BCL9L: variants seen among roughly 807,000 people sequenced by gnomAD.
BCL9L encodes B-cell CLL/lymphoma 9-like protein.
Under a neutral mutation model 99.4 loss-of-function variants are expected in BCL9L, and 19 were observed. That is an observed-to-expected ratio of 0.19 (90% confidence interval 0.13 to 0.28). The LOEUF is 0.28. Among genes scored for constraint, BCL9L ranks in the 10% least tolerant of loss-of-function variants. The probability of loss-of-function intolerance (pLI) is 1.00; values close to 1 mark genes in which losing one functional copy is unlikely to be tolerated. For missense variants in BCL9L, 2,023 were observed against 2,101.6 expected (o/e 0.96, Z 0.73); for synonymous variants, 900 against 854.8 (o/e 1.05, Z -0.92).
chr11:118,912,171 G>A (rs1182014706), intron 2 of BCL9L, among the ~76,000 whole-genome samples: 1 of 152,196 alleles, frequency 6.6e-6, no homozygotes, highest in Non-Finnish European at 1.5e-5. Flanking sequence ...CACAGTCTCC[G>A]AAGACACCTG....
At chr11:118,904,203 G>A (rs59899050) in intron 5 of BCL9L, among the ~76,000 whole-genome samples, 3,061 of 152,182 alleles carry the variant, frequency 0.02, 110 homozygotes, top group African/African-American at 0.069. Flanking sequence ...CAGTTTGGGC[G>A]GTAGAGGCGG....
rs757041915 is a variant in BCL9L, at chr11:118,903,313, G to C, written c.672C>G (p.Gly224=). ...CGGGGACGCCCCCGCCCCCGCCCCC[G>C]CCCCCAGGGGCATCAGGCCGAAGGC... is the stretch of plus-strand genomic sequence containing the variant. ...PPGLRPDAPG[G]GGGGGGVPGK... is the part of the protein sequence containing the mutation. Residue 224 remains glycine, a synonymous_variant, in exon 6 of 10, where the codon GGC becomes GGG. Coordinates refer to ENST00000683865, the MANE Select transcript of BCL9L (RefSeq NM_001378213.1). The surrounding 1 kb of genome is among the most constrained non-coding windows in gnomAD (Gnocchi z 5.6). The C allele has an allele frequency of 1.3e-6, 2 of 1,578,242 alleles. No homozygotes were observed. The highest frequency in any genetic ancestry group is 1.7e-6 in the Non-Finnish European group (2 of 1,163,276).
chr11:118,902,291 C>T lies in BCL9L; in HGVS notation c.1452G>A (p.Leu484=). The T allele has an allele frequency of 3.2e-6, 5 of 1,580,982 alleles. No individual in the cohort carries two copies. The highest frequency in any genetic ancestry group is 3.4e-6 in the Non-Finnish European group (4 of 1,162,406). Residue 484 remains leucine (L), a synonymous_variant, in exon 8 of 10, where the codon CTG becomes CTA. Transcript: ENST00000683865. The surrounding 1 kb of genome is among the most constrained non-coding windows in gnomAD (Gnocchi z 7.8). ...SQTQSLGGPP[L]EHEVPGHPPG... ...GGGGGTGCCCAGGCACTTCATGCTC[C>T]AGCGGGGGGCCCCCTAGGCTCTGTG... is the stretch of plus-strand genomic sequence containing the variant.
At chr11:118,923,556 G>C (rs1941203341) in intron 1 of BCL9L, among the ~76,000 whole-genome samples, 1 of 152,140 alleles carries the variant, frequency 6.6e-6, no homozygotes, top group Admixed American at 6.5e-5. Context: ...CATCCTAGTA[G>C]AGACTCATTC....
chr11:118,899,637 G>C, intron 9 of BCL9L, 129 bp from the exon 10 acceptor site: 1 of 1,266,218 alleles, frequency 7.9e-7, no homozygotes, highest in Non-Finnish European at 1.1e-6. Context: ...GGCTTCCCCT[G>C]GCTGGGAGGG....
intron 9 of BCL9L, among the ~76,000 whole-genome samples, chr11:118,899,713 C>G (rs918048504): frequency 6.6e-6 from 1 of 152,164 alleles, no homozygotes; most frequent in Non-Finnish European, 1.5e-5. Context: ...GCCAGACACA[C>G]CACCAGGTGT....
intron 5 of BCL9L, among the ~76,000 whole-genome samples, chr11:118,904,133 T>TA (rs1381141214): frequency 9.9e-5 from 15 of 152,270 alleles, no homozygotes; most frequent in Admixed American, 7.9e-4. Flanking sequence ...TGTCACAGAC[T>TA]AAAAAAATCC....
In BCL9L at chr11:118,903,281, G is replaced by C. The variant is rs1311034859; in HGVS notation, c.704C>G (p.Pro235Arg). Reference sequence around the variant, plus strand: ...GAAGACATATACGAACTGCGAGGGAGGCTTTCCGGGGACGCCCCCGCCCCC... The same window carrying C: ...GAAGACATATACGAACTGCGAGGGACGCTTTCCGGGGACGCCCCCGCCCCC... Reference protein sequence around the residue: ...GGGGGGVPGKPPSQFVYVFTT... With the variant: ...GGGGGGVPGKRPSQFVYVFTT... The change falls in exon 6 of 10, where the codon CCT becomes CGT. Residue 235 changes from proline (P) to arginine (R), a missense_variant. Transcript: ENST00000683865. The surrounding 1 kb of genome is among the most constrained non-coding windows in gnomAD (Gnocchi z 5.6). The C allele has an allele frequency of 6.3e-7, 1 of 1,582,834 alleles. No homozygotes were observed. The highest frequency in any genetic ancestry group is 1.1e-5 in the South Asian group (1 of 87,038).
chr11:118,907,374 G>A (rs1402815948), intron 5 of BCL9L, 109 bp downstream of exon 5: 10 of 1,562,808 alleles, frequency 6.4e-6, no homozygotes, highest in Non-Finnish European at 8.7e-6. Flanking sequence ...GGATGGGAGA[G>A]AAAAATCCAG....
chr11:118,907,947 C>G (rs1032789654), intron 4 of BCL9L, among the ~76,000 whole-genome samples: 1 of 152,188 alleles, frequency 6.6e-6, no homozygotes, highest in East Asian at 1.9e-4. Flanking sequence ...GATACGGAGG[C>G]TCCTGGAAGT....
chr11:118,907,795 T>A (rs917202936), intron 4 of BCL9L, among the ~76,000 whole-genome samples, 193 bp from the exon 5 acceptor site: 3 of 152,192 alleles, frequency 2.0e-5, no homozygotes, highest in Non-Finnish European at 4.4e-5. Context: ...TATAGCCCCA[T>A]GCCTGTCTCC....
intron 5 of BCL9L, among the ~76,000 whole-genome samples, chr11:118,905,512 C>CA (rs761526586): frequency 0.03 from 1,126 of 37,676 alleles, 20 homozygotes; most frequent in African/African-American, 0.07. Flanking sequence ...GACTCTGTCT[C>CA]AAAAAAAAAA....
In BCL9L at chr11:118,900,177, G is replaced by A. The variant is rs376578137; in HGVS notation, c.3146C>T (p.Pro1049Leu). The change falls in exon 9 of 10, where the codon CCC becomes CTC. Residue 1049 changes from proline to leucine, a missense_variant. Physicochemically the swap from Pro to Leu is moderately conservative, Grantham distance 98. This residue lies in a region of BCL9L where 902 missense variants were observed against 888.2 expected (regional missense o/e 1.02). Transcript: ENST00000683865. The surrounding 1 kb of genome is among the most constrained non-coding windows in gnomAD (Gnocchi z 5.3). The stretch of plus-strand genomic sequence containing the variant: ...GGGAGGTGCTGAGGAGCTGCTCCGG[G>A]GGCCGCTAGGCGGGAGGGTACCTAC... ...MEQGTLPPSG[P>L]RSSSSAPPAN... is the part of the protein sequence containing the mutation. 3.1e-6 allele frequency: 5 copies of A among 1,605,786 alleles called. No individual in the cohort carries two copies. Among genetic ancestry groups the A allele is most frequent in the Non-Finnish European group, 3.4e-6 (4 of 1,174,354 alleles).
chr11:118,898,408 G>C lies in BCL9L; in HGVS notation c.*7C>G. On this transcript the variant is annotated 3_prime_UTR_variant, in exon 10 of 10. Coordinates refer to ENST00000683865, the MANE Select transcript of BCL9L (RefSeq NM_001378213.1). The stretch of plus-strand genomic sequence containing the variant: ...CATTGCCCCGGCTCCAGCCCTGGCA[G>C]CGACTTCTAGAAGGGCAGGTTGGCC... 1 of 1,591,740 alleles carries C rather than the reference G, an allele frequency of 6.3e-7. No individual in the cohort carries two copies. Among genetic ancestry groups the C allele is most frequent in the East Asian group, 2.3e-5 (1 of 44,388 alleles).
rs1320427206 is a variant in BCL9L at position 118,898,570 on chromosome 11, G to A, written c.4345C>T (p.Pro1449Ser). The stretch of plus-strand genomic sequence containing the variant: ...CCCTGCGGGGAGAGCATGTGGGGCG[G>A]CTGGCTGTAGACCTCGCCCCCCACG... Reference protein sequence around the residue: ...RGVGGEVYSQPPHMLSPQGSL... With the variant: ...RGVGGEVYSQSPHMLSPQGSL... Residue 1449 changes from proline to serine, a missense_variant, in exon 10 of 10, where the codon CCG becomes TCG. Coordinates refer to ENST00000683865, the MANE Select transcript of BCL9L (RefSeq NM_001378213.1). The A allele has an allele frequency of 6.2e-7, 1 of 1,609,028 alleles. No homozygotes were observed. Among genetic ancestry groups the A allele is most frequent in the South Asian group, 1.1e-5 (1 of 90,694 alleles).
Position 118,909,997 on chromosome 11 carries a change from C to T in BCL9L, c.-58G>A. ...TGCGTGCCCAGGGCCCAGCCAGGTACTCGGTACTGGAGCACGGACTGCAGC... is the reference window on the plus strand; with the variant it reads ...TGCGTGCCCAGGGCCCAGCCAGGTATTCGGTACTGGAGCACGGACTGCAGC... On this transcript the variant is annotated 5_prime_UTR_variant, in exon 3 of 10. Coordinates refer to ENST00000683865, the MANE Select transcript of BCL9L (RefSeq NM_001378213.1). 2 of 1,612,942 alleles carry T rather than the reference C, an allele frequency of 1.2e-6. No individual in the cohort carries two copies. Among genetic ancestry groups the T allele is most frequent in the Non-Finnish European group, 1.7e-6 (2 of 1,179,294 alleles).
At chr11:118,919,378 G>A (rs1941080107) in intron 1 of BCL9L, among the ~76,000 whole-genome samples, 1 of 151,732 alleles carries the variant, frequency 6.6e-6, no homozygotes, top group Non-Finnish European at 1.5e-5. Flanking sequence ...GTCCCTGTGT[G>A]GTCTCCCTGG....
chr11:118,902,340 G>C lies in BCL9L; in HGVS notation c.1403C>G (p.Pro468Arg). 3.9e-6 allele frequency: 6 copies of C among 1,543,654 alleles called. No individual in the cohort carries two copies. The highest frequency in any genetic ancestry group is 5.2e-6 in the Non-Finnish European group (6 of 1,146,868). Residue 468 changes from proline to arginine, a missense_variant, in exon 8 of 10, where the codon CCC becomes CGC. Transcript: ENST00000683865. This position sits in a 1 kb window ranked among gnomAD's most constrained non-coding sequence, Gnocchi z 7.8. ...TGTCTGTGAAATCATGGACTGCAAG[G>C]GTTCCTCATATTTCTTCAGCCCGCT... ...PPSGLKKYEE[P>R]LQSMISQTQS...
chr11:118,899,909 C>A lies in BCL9L; in HGVS notation c.3406+8G>T, dbSNP rs1342439104. On this transcript the variant is annotated splice_region_variant and intron_variant, in intron 9 of 9. Transcript: ENST00000683865. The stretch of plus-strand genomic sequence containing the variant: ...TGGCCTCCCTGGGGCCCTGGCCTGT[C>A]CTCGCACCTGGCCCGGAGCCCTGCG... The A allele has an allele frequency of 6.2e-7, 1 of 1,610,500 alleles. No homozygotes were observed. The highest frequency in any genetic ancestry group is 1.7e-5 in the Admixed American group (1 of 59,744).
Sources: allele counts gnomAD v4.1 joint callset (sites outside exome capture counted in the v4.1 genomes callset), GRCh38; gene constraint gnomAD v4.1.1; regional missense constraint gnomAD v4.1.1; non-coding constraint Gnocchi (gnomAD v3.1); transcripts MANE v1.5; gene names NCBI Gene and HGNC (gene_info 2026-07-23, HGNC 2026-07-21).